ADAMTS17: variants seen among roughly 807,000 people sequenced by gnomAD.
ADAMTS17 encodes ADAM metallopeptidase with thrombospondin type 1 motif 17, also known as A disintegrin and metalloproteinase with thrombospondin motifs 17.
In ADAMTS17, 113 loss-of-function variants were observed where a neutral mutation model predicts 141.5. The observed-to-expected ratio is 0.80, with a 90% CI of 0.69 to 0.93. The LOEUF is 0.93. Ranked by LOEUF, ADAMTS17 falls within the 40% of genes least tolerant of loss-of-function variation. The pLI is 0.00. For synonymous variants in ADAMTS17, 768 were observed against 630.6 expected (o/e 1.22, Z -3.27); for missense variants, 1,659 against 1,517.9 (o/e 1.09, Z -1.54).
intron 18 of ADAMTS17, among the ~76,000 whole-genome samples, chr15:100,016,411 G>A (rs900277940): frequency 1.3e-5 from 2 of 152,168 alleles, no homozygotes; most frequent in Non-Finnish European, 2.9e-5. Flanking sequence ...GTGAACAAGT[G>A]TGAGTTTTTT....
intron 15 of ADAMTS17, among the ~76,000 whole-genome samples, chr15:100,095,094 T>G (rs531612545): frequency 1.1e-4 from 16 of 152,328 alleles, no homozygotes; most frequent in African/African-American, 3.4e-4. Context: ...CAGGGGCCAG[T>G]GGCTGCTGAA....
chr15:100,044,396 C>A (rs529464116), intron 18 of ADAMTS17, among the ~76,000 whole-genome samples: 1 of 152,290 alleles, frequency 6.6e-6, no homozygotes, highest in South Asian at 2.1e-4. Context: ...ATGTCTAATC[C>A]TCTATCTTCA....
At chr15:100,058,435 C>T (rs1318632987) in intron 15 of ADAMTS17, among the ~76,000 whole-genome samples, 9 of 150,774 alleles carry the variant, frequency 6.0e-5, no homozygotes, top group African/African-American at 9.8e-5. Flanking sequence ...ATGTATTCCT[C>T]GGGCCCTTTT....
intron 3 of ADAMTS17, among the ~76,000 whole-genome samples, chr15:100,317,869 A>C (rs987585056): frequency 2.8e-4 from 43 of 152,188 alleles, no homozygotes; most frequent in Non-Finnish European, 5.9e-4. Flanking sequence ...CTGAGCTCCC[A>C]AAAGAGTAAC....
chr15:100,127,972 G>A (rs2037830500), intron 12 of ADAMTS17, among the ~76,000 whole-genome samples: 1 of 151,532 alleles, frequency 6.6e-6, no homozygotes, highest in Non-Finnish European at 1.5e-5. Context: ...CTACATAAAT[G>A]CCTAAGGGAA....
chr15:100,257,942 C>G (rs1006013015), intron 6 of ADAMTS17, among the ~76,000 whole-genome samples: 6 of 152,304 alleles, frequency 3.9e-5, no homozygotes, highest in African/African-American at 1.4e-4. Context: ...CTCTGACAAC[C>G]ACCATTCTTT....
At chr15:100,210,248 A>G (rs1187887414) in intron 7 of ADAMTS17, among the ~76,000 whole-genome samples, 1 of 151,124 alleles carries the variant, frequency 6.6e-6, no homozygotes, top group African/African-American at 2.4e-5. Context: ...AAAAAAAAAA[A>G]AAAAAAAAAA....
chr15:100,209,131 A>AAAAAAAAAAAAAAAGG (rs1555483240), intron 7 of ADAMTS17, among the ~76,000 whole-genome samples: 2 of 133,100 alleles, frequency 1.5e-5, no homozygotes, highest in African/African-American at 3.0e-5. Context: ...AAAAAAAAAA[A>AAAAAAAAAAAAAAAGG]AAGGAAGAAA....
chr15:100,175,947 T>C (rs1030715166), intron 8 of ADAMTS17, among the ~76,000 whole-genome samples: 2 of 152,148 alleles, frequency 1.3e-5, no homozygotes, highest in African/African-American at 4.8e-5. Flanking sequence ...ACATAAGAAA[T>C]AATGAAATTA....
Position 100,158,606 on chromosome 15 carries a change from C to A in ADAMTS17, c.1182-3286G>T, listed in dbSNP as rs1288475238. Among the ~76,000 whole-genome samples, 6 of 105,368 alleles carry A rather than the reference C, an allele frequency of 5.7e-5. No individual in the cohort carries two copies. The South Asian group carries it at 1.5e-3, about 27-fold the overall frequency. The allele number at this position is 105,368 out of a possible 152,430, so 69.1% of individuals were successfully genotyped here. On this transcript the variant is annotated intron_variant, in intron 8 of 21. Transcript: ENST00000268070. ...AGCTCCCCCTTCCTCCTCCCTCCAG[C>A]CCCTGGCAATACAAGCCCACTCTTT... is the stretch of plus-strand genomic sequence containing the variant.
At chr15:100,195,040 C>A (rs773701521) in intron 8 of ADAMTS17, among the ~76,000 whole-genome samples, 1 of 152,254 alleles carries the variant, frequency 6.6e-6, no homozygotes, top group Non-Finnish European at 1.5e-5. Flanking sequence ...CTCAACGCTG[C>A]CAACATTTCT....
intron 7 of ADAMTS17, among the ~76,000 whole-genome samples, chr15:100,233,591 G>C (rs903734232): frequency 2.6e-5 from 4 of 152,174 alleles, no homozygotes; most frequent in African/African-American, 9.7e-5. Flanking sequence ...TGGGAACACA[G>C]TGGGGGCGTG....
At chr15:100,211,195 G>A (rs956382095) in intron 7 of ADAMTS17, among the ~76,000 whole-genome samples, 36 of 151,246 alleles carry the variant, frequency 2.4e-4, no homozygotes, top group African/African-American at 8.2e-4. Context: ...CCAGCTACTT[G>A]GGAAGCTGAA....
intron 15 of ADAMTS17, among the ~76,000 whole-genome samples, chr15:100,069,888 T>C (rs1456886497): frequency 2.0e-5 from 3 of 150,146 alleles, no homozygotes; most frequent in African/African-American, 7.4e-5. Flanking sequence ...AATTCACATA[T>C]AACAATATTA....
At chr15:100,000,201 T>C (rs2060891879) in intron 18 of ADAMTS17, among the ~76,000 whole-genome samples, 1 of 152,226 alleles carries the variant, frequency 6.6e-6, no homozygotes, top group Non-Finnish European at 1.5e-5. Context: ...TCTCAGCACC[T>C]GGCCACACTC....
At chr15:100,233,598 C>T (rs560172559) in intron 7 of ADAMTS17, among the ~76,000 whole-genome samples, 2 of 152,244 alleles carry the variant, frequency 1.3e-5, no homozygotes, top group Admixed American at 1.3e-4. Context: ...ACAGTGGGGG[C>T]GTGAAGATGC....
intron 18 of ADAMTS17, among the ~76,000 whole-genome samples, chr15:100,046,782 C>A (rs1434133215): frequency 1.3e-5 from 2 of 152,286 alleles, no homozygotes; most frequent in African/African-American, 4.8e-5. Flanking sequence ...GCTGAGGAGG[C>A]TGTATATCGC....
At position 100,075,330 on chromosome 15, in the gene ADAMTS17, TTG is replaced by T. The variant is rs529649857; in HGVS notation, c.2137+21024_2137+21025del. On this transcript the variant is annotated intron_variant, in intron 15 of 21. Transcript: ENST00000268070. ...TTCTGCCAGTTTCTCTAATAAATTC[TTG>T]CTGGTCTCAAATGTGTTCCCTTTGA... 3.3e-4 allele frequency among the ~76,000 whole-genome samples: 51 copies of T among 152,368 alleles called. No homozygotes were observed. In the East Asian group the frequency reaches 8.7e-3, roughly 26 times the overall value.
chr15:100,126,176 C>G (rs544787738), intron 12 of ADAMTS17: 22 of 152,354 alleles, frequency 1.4e-4, no homozygotes, highest in African/African-American at 5.1e-4. Flanking sequence ...TCATAAAACA[C>G]GCCACATCCT....
Sources: gnomAD v4.1 joint callset for allele counts (sites outside exome capture counted in the v4.1 genomes callset) on GRCh38, gnomAD v4.1.1 for gene constraint, MANE v1.5 for transcripts, NCBI Gene and HGNC (gene_info 2026-07-23, HGNC 2026-07-21) for gene names.